The following IL32 variants were observed in gnomAD, a reference collection of about 807,000 sequenced individuals.
IL32 encodes interleukin-32.
In IL32, 30 loss-of-function variants were observed where a neutral mutation model predicts 16.6. The observed-to-expected ratio is 1.81, with a 90% CI of 1.35 to 2.45. IL32 has a LOEUF of 2.45. Among genes scored for constraint, IL32 ranks in the 30% most tolerant of loss-of-function variants. IL32 has a pLI of 0.00. For synonymous variants in IL32, 70 were observed against 86.1 expected, an observed-to-expected ratio of 0.81 and a Z score of 1.03; for missense variants, 234 against 229.8, an observed-to-expected ratio of 1.02 and a Z score of -0.12.
Position 3,066,522 on chromosome 16 carries a change from G to T in IL32, c.15+696G>T, listed in dbSNP as rs535970097. On this transcript the variant is annotated intron_variant, in intron 2 of 6. Coordinates refer to ENST00000525643, the MANE Select transcript of IL32 (RefSeq NM_001376923.1). ...TGACTGTCACCACTCTATAGTGGGG[G>T]AAACCAGGCATGTCACCCCCGAGAC... Among the ~76,000 whole-genome samples, 6 of 152,270 alleles carry T rather than the reference G, an allele frequency of 3.9e-5. 1 individual carries two copies. In the South Asian group the frequency reaches 1.2e-3, roughly 32 times the overall value.
At chr16:3,068,805 A>T in intron 6 of IL32, 185 bp from the exon 7 acceptor site, 1 of 899,594 alleles carries the variant, frequency 1.1e-6, no homozygotes, top group Non-Finnish European at 1.7e-6. Flanking sequence ...ACTGCCATGG[A>T]GGTGAATGCA....
Position 3,067,571 on chromosome 16 carries a change from A to G in IL32, c.72A>G (p.Arg24=), listed in dbSNP as rs369943340. The G allele has an allele frequency of 3.9e-5, 63 of 1,613,880 alleles. No individual in the cohort carries two copies. The highest frequency in any genetic ancestry group is 4.3e-5 in the Non-Finnish European group (51 of 1,179,992). ...LKARMHQAIE[R]FYDKMQNAES... is the part of the protein sequence containing the mutation. ...CTTCACAGCACCAGGCCATAGAAAG[A>G]TTTTATGATAAAATGCAAAATGCAG... The change falls in exon 4 of 7, where the codon AGA becomes AGG. Residue 24 remains arginine, a synonymous_variant. Transcript: ENST00000525643.
intron 6 of IL32, 166 bp downstream of exon 6, chr16:3,068,405 A>C: frequency 1.5e-6 from 1 of 648,332 alleles, no homozygotes; most frequent in Non-Finnish European, 2.7e-6. Context: ...TCTCGGGTTT[A>C]AGTGATTCTC....
intron 3 of IL32, 33 bp downstream of exon 3, chr16:3,067,448 G>A: frequency 6.2e-7 from 1 of 1,610,604 alleles, no homozygotes; most frequent in South Asian, 1.1e-5. Context: ...CTCAGGGGTT[G>A]GGGGCCTGGG....
chr16:3,065,533 GTC>G, upstream of IL32: 1 of 576,128 alleles, frequency 1.7e-6, no homozygotes, highest in Non-Finnish European at 3.1e-6. Flanking sequence ...CTCTGTCTCT[GTC>G]TCTGTCTGTT....
intron 2 of IL32, among the ~76,000 whole-genome samples, chr16:3,066,525 A>G (rs1956323416): frequency 6.6e-6 from 1 of 151,986 alleles, no homozygotes; most frequent in Non-Finnish European, 1.5e-5. Context: ...AGTGGGGGAA[A>G]CCAGGCATGT....
chr16:3,066,560 G>C (rs146948071), intron 2 of IL32, among the ~76,000 whole-genome samples: 1 of 152,056 alleles, frequency 6.6e-6, no homozygotes, highest in Non-Finnish European at 1.5e-5. Context: ...GGCCCTTGAC[G>C]TGGGGGCTCA....
chr16:3,067,271 C>CTGTGTGTGTGTG (rs60859102), intron 2 of IL32, 106 bp from the exon 3 acceptor site: 41,301 of 594,212 alleles, frequency 0.07, 813 homozygotes, highest in Middle Eastern at 0.083. Context: ...CCATGTGTCT[C>CTGTGTGTGTGTG]TGTGTGTGTG....
intron 2 of IL32, among the ~76,000 whole-genome samples, chr16:3,066,433 C>A (rs547169975): frequency 3.3e-5 from 5 of 152,342 alleles, no homozygotes; most frequent in African/African-American, 1.2e-4. Context: ...ACCATCGCTG[C>A]CTGAAAGTGT....
intron 2 of IL32, 98 bp from the exon 3 acceptor site, chr16:3,067,279 G>GTGTGTGTCTC (rs1310042475): frequency 2.4e-5 from 10 of 422,666 alleles, no homozygotes; most frequent in East Asian, 7.5e-5. Flanking sequence ...CTCTGTGTGT[G>GTGTGTGTCTC]TGTGTGTGTG....
Position 3,066,750 on chromosome 16 carries a change from C to T in IL32, c.16-627C>T, listed in dbSNP as rs1331314753. Among the ~76,000 whole-genome samples, 3 of 152,258 alleles carry T rather than the reference C, an allele frequency of 2.0e-5. No individual in the cohort carries two copies. In the South Asian group the frequency reaches 6.2e-4, roughly 32 times the overall value. ...CATCAGAGAGGAATGGCTGCTGTTACCTTCTCAATTGTCATGTCCCTAAAC... is the reference window on the plus strand; with the variant it reads ...CATCAGAGAGGAATGGCTGCTGTTATCTTCTCAATTGTCATGTCCCTAAAC... On this transcript the variant is annotated intron_variant, in intron 2 of 6. Coordinates refer to ENST00000525643, the MANE Select transcript of IL32 (RefSeq NM_001376923.1).
chr16:3,066,839 C>T (rs1741429916), intron 2 of IL32, among the ~76,000 whole-genome samples: 1 of 152,058 alleles, frequency 6.6e-6, no homozygotes, highest in South Asian at 2.1e-4. Flanking sequence ...GCTGAGCCAG[C>T]CTGCTCCAGG....
At chr16:3,066,740 G>A (rs1238552759) in intron 2 of IL32, among the ~76,000 whole-genome samples, 1 of 152,202 alleles carries the variant, frequency 6.6e-6, no homozygotes, top group African/African-American at 2.4e-5. Context: ...GAGAGGAATG[G>A]CTGCTGTTAC....
In IL32 at chr16:3,066,867, G is replaced by A. The variant is rs527555587; in HGVS notation, c.16-510G>A. On this transcript the variant is annotated intron_variant, in intron 2 of 6. Coordinates refer to ENST00000525643, the MANE Select transcript of IL32 (RefSeq NM_001376923.1). ...GCTCCAGGACAGTGTCCATCCTCCC[G>A]TGTGTGTACATGGGGGGGTGTGTGT... Among the ~76,000 whole-genome samples the A allele has an allele frequency of 3.8e-4, 58 of 152,012 alleles. No homozygotes were observed. The South Asian group carries it at 0.01, about 27-fold the overall frequency.
intron 2 of IL32, among the ~76,000 whole-genome samples, chr16:3,066,115 G>T (rs561942890): frequency 1.3e-5 from 2 of 152,182 alleles, no homozygotes; most frequent in East Asian, 1.9e-4. Flanking sequence ...TGCTGGAAAC[G>T]ACTCGGAGAA....
intron 5 of IL32, 39 bp downstream of exon 5, chr16:3,068,049 G>A (rs761062014): frequency 1.2e-6 from 2 of 1,613,146 alleles, no homozygotes; most frequent in African/African-American, 1.3e-5. Flanking sequence ...CTTAGTCCCT[G>A]GGTCTTAGGC....
intron 2 of IL32, 108 bp from the exon 3 acceptor site, chr16:3,067,269 C>CTGTGTG (rs1555442464): frequency 1.8e-5 from 7 of 391,510 alleles, no homozygotes; most frequent in Admixed American, 4.4e-5. Context: ...TGCCATGTGT[C>CTGTGTG]TCTGTGTGTG....
intron 6 of IL32, 145 bp from the exon 7 acceptor site, chr16:3,068,845 T>G (rs1227771804): frequency 4.4e-6 from 6 of 1,349,176 alleles, no homozygotes; most frequent in Non-Finnish European, 5.0e-6. Flanking sequence ...AAAGTCCCTC[T>G]TGCCCACGGG....
At position 3,068,198 on chromosome 16, in the gene IL32, T is replaced by TA; in HGVS notation, c.161dup (p.Tyr54Ter). ...TCCCCAGGACGACTTCAAAGAGGGC[T>TA]ACCTGGAGACAGTGGCGGCTTATTA... ...AELEDDFKEG[Y>*]LETVAAYYEE... The change falls in exon 6 of 7, where the codon TAC becomes TAAC. Residue 54 changes from tyrosine (Y) to a stop codon, truncating the protein, a stop_gained and frameshift_variant. Transcript: ENST00000525643. LOFTEE classifies it low-confidence loss of function (END_TRUNC). The TA allele has an allele frequency of 1.2e-6, 2 of 1,604,472 alleles. No homozygotes were observed. Among genetic ancestry groups the TA allele is most frequent in the Non-Finnish European group, 1.7e-6 (2 of 1,175,238 alleles).
Sources: allele counts gnomAD v4.1 joint callset (sites outside exome capture counted in the v4.1 genomes callset), GRCh38; gene constraint gnomAD v4.1.1; transcripts MANE v1.5; gene names NCBI Gene and HGNC (gene_info 2026-07-23, HGNC 2026-07-21).